The following CAPN8 variants were observed in gnomAD, a reference collection of about 807,000 sequenced individuals.
The protein encoded by CAPN8 is calpain-8.
CAPN8 carries 87 observed loss-of-function variants against 80.9 expected under a neutral mutation model. That is an observed-to-expected ratio of 1.07 (90% CI 0.90 to 1.28). The LOEUF (loss-of-function observed/expected upper bound fraction) is 1.28. Ranked by LOEUF, CAPN8 falls within the 50% of genes most tolerant of loss-of-function variation. The pLI is 0.00. For missense variants in CAPN8, 757 were observed against 702.0 expected (o/e 1.08, Z -0.89); for synonymous variants, 299 against 273.8 (o/e 1.09, Z -0.91).
At position 223,628,692 on chromosome 1, in the gene CAPN8, C is replaced by T. The variant is rs1388129515; in HGVS notation, c.396G>A (p.Gln132=). 14 of 1,551,638 alleles carry T rather than the reference C, an allele frequency of 9.0e-6. No individual in the cohort carries two copies. The highest frequency in any genetic ancestry group is 1.2e-5 in the Non-Finnish European group (14 of 1,147,000). Residue 132 remains glutamine, a synonymous_variant, in exon 3 of 21, where the codon CAG becomes CAA. Transcript: ENST00000366872. ...YRVVPRDQDF[Q]ENYAGIFHFQ... is the part of the protein sequence containing the mutation. ...AGTGAAAGATTCCCGCATAGTTCTC[C>T]TGGAAGTCCTGGTCCCTGGGGACCA... is the stretch of plus-strand genomic sequence containing the variant.
At chr1:223,648,536 G>T (rs919664275) in intron 2 of CAPN8, among the ~76,000 whole-genome samples, 1 of 152,198 alleles carries the variant, frequency 6.6e-6, no homozygotes, top group Non-Finnish European at 1.5e-5. Flanking sequence ...ACTGACTAGC[G>T]GTGTGCATGC....
At chr1:223,541,984 T>C in intron 20 of CAPN8, 125 bp from the exon 21 acceptor site, 1 of 1,453,726 alleles carries the variant, frequency 6.9e-7, no homozygotes, top group Non-Finnish European at 9.4e-7. Context: ...AGTGCCTTGC[T>C]CAAACATGGG....
In CAPN8 at chr1:223,616,058, G is replaced by A. The variant is rs1433931124; in HGVS notation, c.1223C>T (p.Thr408Ile). 1.3e-6 allele frequency: 2 copies of A among 1,552,142 alleles called. No individual in the cohort carries two copies. Among genetic ancestry groups the A allele is most frequent in the Non-Finnish European group, 1.7e-6 (2 of 1,147,126 alleles). The change falls in exon 10 of 21, where the codon ACA becomes ATA. Residue 408 changes from threonine to isoleucine, a missense_variant. Coordinates refer to ENST00000366872, the MANE Select transcript of CAPN8 (RefSeq NM_001143962.2). ...QEESIGEPCC[T>I]VLLGLMQKNR... ...TTTCTGCATCAGGCCCAGCAGCACT[G>A]TACAGCAGGGTTCACCGATGCTCTC... is the stretch of plus-strand genomic sequence containing the variant.
intron 9 of CAPN8, chr1:223,618,107 A>T: frequency 3.2e-6 from 3 of 938,736 alleles, no homozygotes; most frequent in Non-Finnish European, 4.9e-6. Context: ...CCATGCGCTT[A>T]CAGTCTAAGT....
At chr1:223,624,713 C>CTAAATAAA (rs71740935) in intron 6 of CAPN8, among the ~76,000 whole-genome samples, 2,752 of 141,860 alleles carry the variant, frequency 0.019, 43 homozygotes, top group African/African-American at 0.036. Context: ...GACCCTGTCT[C>CTAAATAAA]TAAATAAATA....
intron 6 of CAPN8, among the ~76,000 whole-genome samples, chr1:223,623,998 G>GAAA (rs71702521): frequency 4.5e-5 from 6 of 132,224 alleles, no homozygotes; most frequent in Non-Finnish European, 9.7e-5. Flanking sequence ...GACTCCACCT[G>GAAA]AAAAAAAAAA....
In CAPN8 at chr1:223,665,612, C is replaced by T. The variant is rs1465882870; in HGVS notation, c.35G>A (p.Arg12Gln). 4.5e-6 allele frequency: 7 copies of T among 1,551,450 alleles called. No homozygotes were observed. Among genetic ancestry groups the T allele is most frequent in the African/African-American group, 1.4e-5 (1 of 73,040 alleles). ...GGAGCCAAGACCTTGAGTGGCTGCC[C>T]GCTGCCTAGATACACCAGCTGCCTG... ...AAQAAGVSRQ[R>Q]AATQGLGSNQ... The change falls in exon 1 of 21, where the codon CGG (arginine) becomes CAG (glutamine). Residue 12 changes from arginine to glutamine, a missense_variant. Arg to Gln is a conservative substitution (Grantham distance 43). Coordinates refer to ENST00000366872, the MANE Select transcript of CAPN8 (RefSeq NM_001143962.2).
At chr1:223,631,558 A>G (rs1224170722) in intron 2 of CAPN8, among the ~76,000 whole-genome samples, 2 of 152,242 alleles carry the variant, frequency 1.3e-5, no homozygotes, top group Non-Finnish European at 2.9e-5. Flanking sequence ...CATCCCCAGC[A>G]GGTGGCTGAC....
rs145394039 is a variant in CAPN8 at position 223,664,798 on chromosome 1, G to A, written c.237+612C>T. On this transcript the variant is annotated intron_variant, in intron 1 of 20. Coordinates refer to ENST00000366872, the MANE Select transcript of CAPN8 (RefSeq NM_001143962.2). ...ACAAAAATATGTAAACATTAGCTGG[G>A]TGTGGTGGCACGTGCCTATAATCCC... Among the ~76,000 whole-genome samples, 1,312 of 152,292 alleles carry A rather than the reference G, an allele frequency of 8.6e-3. 27 individuals are homozygous for A. Among genetic ancestry groups the A allele is most frequent in the African/African-American group, 0.028 (1,170 of 41,554 alleles).
At chr1:223,659,216 CTGTT>C (rs1441762863) in intron 1 of CAPN8, among the ~76,000 whole-genome samples, 1 of 152,218 alleles carries the variant, frequency 6.6e-6, no homozygotes, top group East Asian at 1.9e-4. Flanking sequence ...GTGATGATGG[CTGTT>C]TGGCCACACT....
chr1:223,558,101 CAG>C, intron 13 of CAPN8, 28 bp downstream of exon 13: 2 of 398,622 alleles, frequency 5.0e-6, no homozygotes. Flanking sequence ...GCAACAGTGT[CAG>C]AGTTTGGCAT....
intron 16 of CAPN8, among the ~76,000 whole-genome samples, chr1:223,547,703 T>C (rs1488400046): frequency 6.6e-6 from 1 of 151,856 alleles, no homozygotes; most frequent in African/African-American, 2.4e-5. Flanking sequence ...CTACCTAAAC[T>C]GTGGAACAGA....
chr1:223,642,099 T>A (rs990635902), intron 2 of CAPN8, among the ~76,000 whole-genome samples: 1 of 152,134 alleles, frequency 6.6e-6, no homozygotes, highest in Non-Finnish European at 1.5e-5. Flanking sequence ...GAAGCAAGAT[T>A]ATAGAGAACA....
intron 6 of CAPN8, among the ~76,000 whole-genome samples, chr1:223,624,577 G>A (rs1321021997): frequency 6.6e-6 from 1 of 152,080 alleles, no homozygotes; most frequent in African/African-American, 2.4e-5. Flanking sequence ...AGCCAGGCAT[G>A]ATGGCACTTG....
rs1433491632 is a variant in CAPN8 at position 223,616,155 on chromosome 1, AC to A, written c.1136-11del. ...TTGGTCCAGTACGTGGCTGGAAGTC[AC>A]CCAGGTGATGGTGGTTCCCCACGTA... On this transcript the variant is annotated splice_polypyrimidine_tract_variant and intron_variant, in intron 9 of 20. Coordinates refer to ENST00000366872, the MANE Select transcript of CAPN8 (RefSeq NM_001143962.2). The A allele has an allele frequency of 6.5e-7, 1 of 1,542,794 alleles. No individual in the cohort carries two copies. The highest frequency in any genetic ancestry group is 2.0e-5 in the Admixed American group (1 of 50,772).
chr1:223,633,868 T>C (rs1161458446), intron 2 of CAPN8, among the ~76,000 whole-genome samples: 2 of 151,664 alleles, frequency 1.3e-5, no homozygotes, highest in Non-Finnish European at 2.9e-5. Flanking sequence ...AGGGAAGAAA[T>C]GGAGATACTT....
At chr1:223,621,792 C>T (rs993060306) in intron 7 of CAPN8, among the ~76,000 whole-genome samples, 5 of 151,866 alleles carry the variant, frequency 3.3e-5, no homozygotes, top group African/African-American at 1.2e-4. Context: ...GGATTAAGGA[C>T]GTATTGGGAG....
intron 20 of CAPN8, among the ~76,000 whole-genome samples, chr1:223,542,554 C>T (rs994797187): frequency 6.6e-6 from 1 of 152,192 alleles, no homozygotes; most frequent in Non-Finnish European, 1.5e-5. Flanking sequence ...AAGGCCAATG[C>T]CTCCCCCTGC....
At chr1:223,619,186 C>G (rs1572234804) in intron 9 of CAPN8, 107 bp downstream of exon 9, 2 of 1,315,558 alleles carry the variant, frequency 1.5e-6, no homozygotes, top group Admixed American at 4.6e-5. Flanking sequence ...AGAGCAAGGC[C>G]CTGTCTCAAA....
Sources: gnomAD v4.1 joint callset for allele counts (sites outside exome capture counted in the v4.1 genomes callset) on GRCh38, gnomAD v4.1.1 for gene constraint, MANE v1.5 for transcripts, NCBI Gene and HGNC (gene_info 2026-07-23, HGNC 2026-07-21) for gene names.